Variants in RAB9B observed in about 807,000 individuals in gnomAD.
RAB9B encodes RAB9B, member RAS oncogene family.
A neutral mutation model predicts 8.9 loss-of-function variants in RAB9B; 1 was observed. That is an observed-to-expected ratio of 0.11 (90% confidence interval 0.04 to 0.53). The LOEUF is 0.53. Ranked by LOEUF, RAB9B falls within the 20% of genes least tolerant of loss-of-function variation. The probability of loss-of-function intolerance (pLI) is 0.93; values close to 1 mark genes in which losing one functional copy is unlikely to be tolerated. For synonymous variants in RAB9B, 63 were observed against 57.0 expected (o/e 1.10, Z -0.47); for missense variants, 82 against 152.9 (o/e 0.54, Z 2.45).
At chrX:103,812,009 G>T in the RAB9B span, among the ~76,000 whole-genome samples, 1 of 108,397 alleles carries the variant, frequency 9.2e-6, no homozygotes, top group African/African-American at 3.4e-5. Flanking sequence ...TATGGAAAGC[G>T]GGGGCAAGGA....
chrX:103,784,485 A>C, the RAB9B span, among the ~76,000 whole-genome samples: 1 of 111,374 alleles, frequency 9.0e-6, no homozygotes, highest in Non-Finnish European at 1.9e-5. Context: ...CAAACCTCCT[A>C]TTTTCCAATT....
At chrX:103,830,493 G>A (rs1362466044) in intron 1 of RAB9B, among the ~76,000 whole-genome samples, 1 of 111,777 alleles carries the variant, frequency 8.9e-6, no homozygotes, top group Non-Finnish European at 1.9e-5. Flanking sequence ...TTCTGATTTT[G>A]ATCCCATTCA....
the RAB9B span, among the ~76,000 whole-genome samples, chrX:103,808,049 T>C: frequency 8.9e-6 from 1 of 111,734 alleles, no homozygotes; most frequent in Admixed American, 9.5e-5. Flanking sequence ...GAGAGAAGAC[T>C]GCATTTCTAG....
the RAB9B span, chrX:103,776,885 G>C: frequency 8.0e-6 from 6 of 753,111 alleles, no homozygotes; most frequent in Admixed American, 1.5e-4. Context: ...GAGAGAAAAA[G>C]TAAAAGACCG....
chrX:103,800,968 C>T, the RAB9B span, among the ~76,000 whole-genome samples: 3 of 111,615 alleles, frequency 2.7e-5, no homozygotes, highest in Non-Finnish European at 5.6e-5. Flanking sequence ...ATACCATACA[C>T]CTTTAGGAAA....
At chrX:103,814,346 A>T in the RAB9B span, among the ~76,000 whole-genome samples, 1 of 112,071 alleles carries the variant, frequency 8.9e-6, no homozygotes, top group Non-Finnish European at 1.9e-5. Context: ...TACTGGGTAA[A>T]TAACGAAATG....
At chrX:103,789,158 G>T in the RAB9B span, 2 of 500,562 alleles carry the variant, frequency 4.0e-6, no homozygotes, top group Non-Finnish European at 7.2e-6. Context: ...CAGGTGCTAT[G>T]GTGTACACTG....
At chrX:103,785,938 T>G in the RAB9B span, 1 of 703,609 alleles carries the variant, frequency 1.4e-6, no homozygotes, top group Non-Finnish European at 2.1e-6. Flanking sequence ...TCGAAGCCCA[T>G]TCAGAAAGGA....
chrX:103,802,626 C>T, the RAB9B span, among the ~76,000 whole-genome samples: 3 of 112,040 alleles, frequency 2.7e-5, no homozygotes, highest in Admixed American at 9.4e-5. Flanking sequence ...CACCAGCTAT[C>T]AGTGTATGAT....
At chrX:103,779,564 A>G in the RAB9B span, among the ~76,000 whole-genome samples, 440 of 111,571 alleles carry the variant, frequency 3.9e-3, no homozygotes, top group Middle Eastern at 0.014. Flanking sequence ...TCTCTACCTC[A>G]CTTCTCCCTT....
the RAB9B span, chrX:103,790,845 A>T: frequency 2.5e-6 from 1 of 405,632 alleles, no homozygotes; most frequent in Non-Finnish European, 4.3e-6. Flanking sequence ...GCCTAAGAAG[A>T]TGACTTCCCA....
At chrX:103,804,650 T>C in the RAB9B span, among the ~76,000 whole-genome samples, 2 of 112,072 alleles carry the variant, frequency 1.8e-5, no homozygotes, top group African/African-American at 6.5e-5. Context: ...TTTCAATTCA[T>C]GAAAACAGAA....
the RAB9B span, chrX:103,786,411 C>T: frequency 8.6e-7 from 1 of 1,167,335 alleles, no homozygotes; most frequent in East Asian, 3.0e-5. Context: ...GGAAAGAAGC[C>T]AGGTCTTCAA....
At chrX:103,818,685 G>T (rs2147782233), downstream of RAB9B, among the ~76,000 whole-genome samples, 1 of 111,139 alleles carries the variant, frequency 9.0e-6, no homozygotes, top group Non-Finnish European at 1.9e-5. Context: ...AAGTACTATA[G>T]ATATATATTA....
the RAB9B span, among the ~76,000 whole-genome samples, chrX:103,806,335 C>T: frequency 3.6e-5 from 4 of 111,119 alleles, no homozygotes; most frequent in Non-Finnish European, 7.5e-5. Context: ...TCTAATTTTT[C>T]ATGTGATTTA....
Position 103,824,139 on chromosome X carries a change from G to A in RAB9B, c.*1040C>T, listed in dbSNP as rs749013647. ...TCATTCTAACACTGGGTTAAGATCT[G>A]CTCTTCTGTCACTTTCAATGTCCTA... On this transcript the variant is annotated 3_prime_UTR_variant, in exon 3 of 3. Transcript: ENST00000243298. 7 of 112,246 alleles carry A rather than the reference G, an allele frequency of 6.2e-5. No individual in the cohort carries two copies. Among genetic ancestry groups the A allele is most frequent in the African/African-American group, 2.3e-4 (7 of 30,897 alleles). The allele number at this position is 112,246 out of a possible 1,213,427, so 9.3% of individuals were successfully genotyped here.
the RAB9B span, chrX:103,787,736 T>A: frequency 1.0e-6 from 1 of 986,117 alleles, no homozygotes; most frequent in Non-Finnish European, 1.4e-6. Flanking sequence ...GATCTCCCAG[T>A]TTGTGTTTCT....
chrX:103,788,118 A>G, the RAB9B span: 1 of 553,648 alleles, frequency 1.8e-6, no homozygotes, highest in Non-Finnish European at 3.0e-6. Flanking sequence ...TCCCTACTGA[A>G]ACCAGAGAGG....
At chrX:103,779,094 A>G in the RAB9B span, among the ~76,000 whole-genome samples, 1 of 112,622 alleles carries the variant, frequency 8.9e-6, no homozygotes, top group African/African-American at 3.2e-5. Context: ...GGGGAAAATG[A>G]TAGCTCATTA....
Sources: gnomAD v4.1 joint callset for allele counts (sites outside exome capture counted in the v4.1 genomes callset) on GRCh38, gnomAD v4.1.1 for gene constraint, MANE v1.5 for transcripts, NCBI Gene and HGNC (gene_info 2026-07-23, HGNC 2026-07-21) for gene names.